ANO7: variants seen among roughly 807,000 people sequenced by gnomAD.
The protein encoded by ANO7 is anoctamin 7.
Under a neutral mutation model 115.8 loss-of-function variants are expected in ANO7, and 114 were observed. That is an observed-to-expected ratio of 0.98 (90% CI 0.85 to 1.15). The LOEUF is 1.15. ANO7 is among the 50% of genes most tolerant of loss of function. ANO7 has a pLI of 0.00. For synonymous variants in ANO7, 550 were observed against 498.2 expected, an observed-to-expected ratio of 1.10 and a Z score of -1.38; for missense variants, 1,302 against 1,201.2, an observed-to-expected ratio of 1.08 and a Z score of -1.24.
chr2:241,220,011 A>G (rs1471567103), intron 21 of ANO7, among the ~76,000 whole-genome samples: 1 of 152,154 alleles, frequency 6.6e-6, no homozygotes, highest in Non-Finnish European at 1.5e-5. Flanking sequence ...TTATTGTTAC[A>G]TGGAGTTTTA....
intron 21 of ANO7, among the ~76,000 whole-genome samples, chr2:241,220,470 G>T (rs565192780): frequency 6.6e-6 from 1 of 151,486 alleles, no homozygotes; most frequent in African/African-American, 2.4e-5. Flanking sequence ...GCCGAGGCAG[G>T]TGGATCATTT....
Position 241,197,024 on chromosome 2 carries a change from C to A in ANO7, c.309+1179C>A, listed in dbSNP as rs538321014. Among the ~76,000 whole-genome samples the A allele has an allele frequency of 1.8e-4, 27 of 152,344 alleles. 1 individual carries two copies. The highest frequency in any genetic ancestry group is 3.4e-3 in the Middle Eastern group (1 of 294). ...GGCCCCTTGCTCTGTATCTTCTCAA[C>A]ACTTGATACTGCAGACTTTTAACGT... On this transcript the variant is annotated intron_variant, in intron 4 of 24. Coordinates refer to ENST00000674324, the MANE Select transcript of ANO7 (RefSeq NM_001370694.2).
At chr2:241,236,553 C>T in the ANO7 span, 1 of 1,560,764 alleles carries the variant, frequency 6.4e-7, no homozygotes, top group Non-Finnish European at 8.8e-7. Flanking sequence ...GGCCACGCGT[C>T]TCCCCAGGTG....
chr2:241,229,922 T>G, downstream of ANO7: 3 of 1,604,046 alleles, frequency 1.9e-6, no homozygotes, highest in African/African-American at 1.3e-5. Flanking sequence ...GGGGGTTTCA[T>G]GTATACCTGC....
chr2:241,222,191 G>A (rs896477792), intron 21 of ANO7, among the ~76,000 whole-genome samples: 8 of 151,654 alleles, frequency 5.3e-5, no homozygotes, highest in African/African-American at 9.7e-5. Context: ...CGAAGATCAC[G>A]CCACTGCACT....
At chr2:241,232,916 G>A in the ANO7 span, among the ~76,000 whole-genome samples, 1 of 152,054 alleles carries the variant, frequency 6.6e-6, no homozygotes, top group East Asian at 1.9e-4. Context: ...GGTGCAGGAG[G>A]GCCCTCCTGG....
At position 241,203,245 on chromosome 2, in the gene ANO7, A is replaced by G. The variant is rs2068511135; in HGVS notation, c.724-88A>G. 3 of 1,100,708 alleles carry G rather than the reference A, an allele frequency of 2.7e-6. 1 individual carries two copies. The highest frequency in any genetic ancestry group is 3.3e-5 in the African/African-American group (2 of 60,762). 68.2% of individuals were successfully genotyped at this position (1,100,708 alleles called of 1,614,324 possible). On this transcript the variant is annotated intron_variant, in intron 8 of 24. Transcript: ENST00000674324. The surrounding 1 kb of genome is among the most constrained non-coding windows in gnomAD (Gnocchi z 4.8). ...CCCAGACTCCCAGGCCTGTCTGCCC[A>G]TGTCCCACACTGAAGCCCCTGCACC...
chr2:241,202,369 C>A, intron 8 of ANO7, 65 bp downstream of exon 8: 7 of 1,474,130 alleles, frequency 4.7e-6, no homozygotes, highest in Non-Finnish European at 6.6e-6. Flanking sequence ...GTCCTGTTGG[C>A]CCCCAGGGAG....
intron 18 of ANO7, 83 bp downstream of exon 18, chr2:241,214,985 C>A: frequency 1.6e-6 from 2 of 1,287,926 alleles, no homozygotes; most frequent in South Asian, 2.7e-5. Context: ...CCAGCCCGGC[C>A]CTAGCTGGGA....
chr2:241,212,607 T>G lies in ANO7; in HGVS notation c.1709T>G (p.Phe570Cys). The change falls in exon 17 of 25, where the codon TTT (phenylalanine) becomes TGT (cysteine). Residue 570 changes from phenylalanine (F) to cysteine (C), a missense_variant. Physicochemically the swap from Phe to Cys is radical, Grantham distance 205 (BLOSUM62 -2). Transcript: ENST00000674324. ...VGYPGNYHTLFGVRNEECAAG... is the reference protein window; with the variant it reads ...VGYPGNYHTLCGVRNEECAAG... ...TACCCAGGCAACTACCACACCTTGTTTGGAGTCCGCAATGAGGAGGTGAGT... is the reference window on the plus strand; with the variant it reads ...TACCCAGGCAACTACCACACCTTGTGTGGAGTCCGCAATGAGGAGGTGAGT... The G allele has an allele frequency of 6.2e-7, 1 of 1,613,332 alleles. No homozygotes were observed. Among genetic ancestry groups the G allele is most frequent in the Non-Finnish European group, 8.5e-7 (1 of 1,179,718 alleles).
chr2:241,231,059 C>T, the ANO7 span: 9 of 864,276 alleles, frequency 1.0e-5, no homozygotes, highest in South Asian at 4.8e-5. Flanking sequence ...TGGAAAGCAA[C>T]GTCACGGCTG....
chr2:241,236,420 T>C, the ANO7 span: 1 of 610,790 alleles, frequency 1.6e-6, no homozygotes, highest in South Asian at 2.0e-5. Flanking sequence ...CGAGCCTTGG[T>C]GAAGGGAAGT....
chr2:241,230,360 G>GT, downstream of ANO7: 1 of 825,034 alleles, frequency 1.2e-6, no homozygotes. This position sits in a 1 kb window ranked among gnomAD's most constrained non-coding sequence, Gnocchi z 5.0. Context: ...CATTTTCTGA[G>GT]TTAGCAAACG....
At position 241,203,511 on chromosome 2, in the gene ANO7, C is replaced by G. The variant is rs202066893; in HGVS notation, c.889+13C>G. 6.2e-6 allele frequency: 9 copies of G among 1,455,418 alleles called. No homozygotes were observed. Among genetic ancestry groups the G allele is most frequent in the Non-Finnish European group, 6.4e-6 (7 of 1,100,358 alleles). The allele number at this position is 1,455,418 out of a possible 1,614,324, so 90.2% of individuals were successfully genotyped here. A position where few individuals can be genotyped will look rare whatever the true frequency, so the allele number is the denominator to read the frequency against. On this transcript the variant is annotated intron_variant, in intron 9 of 24. Coordinates refer to ENST00000674324, the MANE Select transcript of ANO7 (RefSeq NM_001370694.2). This position sits in a 1 kb window ranked among gnomAD's most constrained non-coding sequence, Gnocchi z 4.8. The stretch of plus-strand genomic sequence containing the variant: ...TTCGCCTGGCTCGGTGAGTCCCCCC[C>G]GCTGCCCCCCAGACCACCTGGGCCC...
Position 241,209,361 on chromosome 2 carries a change from A to T in ANO7, c.1154A>T (p.Glu385Val). ...FMALWAVLLLEYWKRKSATLA... is the reference protein window; with the variant it reads ...FMALWAVLLLVYWKRKSATLA... Reference sequence around the variant, plus strand: ...GCACTGTGGGCCGTGCTGCTGCTGGAGTACTGGAAGCGGAAGAGCGCCACG... The same window carrying T: ...GCACTGTGGGCCGTGCTGCTGCTGGTGTACTGGAAGCGGAAGAGCGCCACG... Residue 385 changes from glutamate (E) to valine (V), a missense_variant, in exon 12 of 25, where the codon GAG (glutamate) becomes GTG (valine). Glu to Val is a moderately radical substitution (Grantham distance 121, BLOSUM62 -2). Coordinates refer to ENST00000674324, the MANE Select transcript of ANO7 (RefSeq NM_001370694.2). The T allele has an allele frequency of 6.3e-7, 1 of 1,581,158 alleles. No homozygotes were observed. Among genetic ancestry groups the T allele is most frequent in the Non-Finnish European group, 8.6e-7 (1 of 1,164,126 alleles).
intron 6 of ANO7, among the ~76,000 whole-genome samples, 186 bp from the exon 7 acceptor site, chr2:241,201,112 G>A (rs1021292213): frequency 5.3e-5 from 8 of 152,220 alleles, no homozygotes; most frequent in Non-Finnish European, 8.8e-5. Flanking sequence ...CTGACCTGCC[G>A]GGGAGCCAGC....
chr2:241,230,089 G>A (rs2069562169), downstream of ANO7: 1 of 1,587,554 alleles, frequency 6.3e-7, no homozygotes, highest in Non-Finnish European at 8.6e-7. The surrounding 1 kb of genome is among the most constrained non-coding windows in gnomAD (Gnocchi z 5.0). Context: ...GAAGCTCCTG[G>A]CTGGGCCTCA....
At chr2:241,200,988 G>A (rs2068456354) in intron 6 of ANO7, among the ~76,000 whole-genome samples, 1 of 152,230 alleles carries the variant, frequency 6.6e-6, no homozygotes, top group African/African-American at 2.4e-5. Flanking sequence ...CCTGCCCTGT[G>A]CCCAACCACA....
the ANO7 span, chr2:241,240,165 C>A: frequency 6.3e-7 from 1 of 1,587,672 alleles, no homozygotes; most frequent in South Asian, 1.1e-5. This position sits in a 1 kb window ranked among gnomAD's most constrained non-coding sequence, Gnocchi z 5.5. Flanking sequence ...CACCACGTGC[C>A]TGGACCACAG....
Sources: gnomAD v4.1 joint callset for allele counts (sites outside exome capture counted in the v4.1 genomes callset) on GRCh38, gnomAD v4.1.1 for gene constraint, Gnocchi (gnomAD v3.1) non-coding constraint, MANE v1.5 for transcripts, NCBI Gene and HGNC (gene_info 2026-07-23, HGNC 2026-07-21) for gene names.